LPP: variants seen among roughly 807,000 people sequenced by gnomAD.
The protein encoded by LPP is lipoma-preferred partner.
Under a neutral mutation model 60.4 loss-of-function variants are expected in LPP, and 38 were observed. The ratio of observed to expected loss-of-function variants is 0.63; its 90% CI spans 0.49 to 0.83. The LOEUF (loss-of-function observed/expected upper bound fraction) is 0.83. Ranked by LOEUF, LPP falls within the 40% of genes least tolerant of loss-of-function variation. The pLI, the probability that LPP is intolerant of heterozygous loss-of-function variation, is 0.00. For missense variants in LPP, 902 were observed against 783.6 expected, an observed-to-expected ratio of 1.15 and a Z score of -1.80; for synonymous variants, 328 against 290.8, an observed-to-expected ratio of 1.13 and a Z score of -1.30.
intron 6 of LPP, among the ~76,000 whole-genome samples, chr3:188,549,426 GGT>G (rs1001226061): frequency 1.3e-5 from 2 of 152,050 alleles, no homozygotes; most frequent in African/African-American, 4.8e-5. Context: ...TTTTTGGTCT[GGT>G]GCCATTGAGC....
intron 3 of LPP, among the ~76,000 whole-genome samples, chr3:188,379,676 A>T (rs1378183294): frequency 6.6e-6 from 1 of 152,206 alleles, no homozygotes; most frequent in Non-Finnish European, 1.5e-5. Context: ...ATTTATATAA[A>T]CATCATACAA....
chr3:188,226,156 A>G (rs754737457), intron 2 of LPP, among the ~76,000 whole-genome samples: 22 of 152,048 alleles, frequency 1.4e-4, no homozygotes, highest in Non-Finnish European at 2.6e-4. Flanking sequence ...CTACAGGCAC[A>G]TACCACCATG....
chr3:188,636,091 C>A (rs1344153678), intron 7 of LPP, among the ~76,000 whole-genome samples: 2 of 152,222 alleles, frequency 1.3e-5, no homozygotes, highest in East Asian at 3.9e-4. Context: ...GTCTACAGCT[C>A]CCAGCCTGAG....
chr3:188,219,532 G>A (rs563011467), intron 1 of LPP, among the ~76,000 whole-genome samples: 1 of 152,272 alleles, frequency 6.6e-6, no homozygotes, highest in South Asian at 2.1e-4. Flanking sequence ...CCTGGCTCAG[G>A]TGCTGAAAGG....
intron 9 of LPP, among the ~76,000 whole-genome samples, chr3:188,845,870 T>C (rs1389628658): frequency 6.6e-6 from 1 of 152,248 alleles, no homozygotes; most frequent in Non-Finnish European, 1.5e-5. Context: ...TTATTTAGTT[T>C]CTTAGTTCAG....
chr3:188,784,336 C>A, intron 9 of LPP, among the ~76,000 whole-genome samples: 1 of 113,914 alleles, frequency 8.8e-6, no homozygotes, highest in African/African-American at 3.4e-5. Flanking sequence ...TATATATATT[C>A]CATCATATAT....
chr3:188,401,913 T>C (rs1034698808), intron 3 of LPP, among the ~76,000 whole-genome samples: 1 of 152,178 alleles, frequency 6.6e-6, no homozygotes, highest in African/African-American at 2.4e-5. Flanking sequence ...ATGCTTATGA[T>C]CTAAATTGAT....
chr3:188,702,340 CTTT>C (rs111321221), intron 7 of LPP, among the ~76,000 whole-genome samples: 35 of 118,950 alleles, frequency 2.9e-4, no homozygotes, highest in African/African-American at 8.9e-4. Flanking sequence ...TCTTCTTCTT[CTTT>C]TTTTTTTTTT....
At chr3:188,697,359 A>T (rs1047419549) in intron 7 of LPP, among the ~76,000 whole-genome samples, 2 of 152,218 alleles carry the variant, frequency 1.3e-5, no homozygotes, top group East Asian at 1.9e-4. Context: ...TTACCTCGCC[A>T]TGGAAAGTGA....
Position 188,572,688 on chromosome 3 carries a change from TAAGC to T in LPP, c.430-36471_430-36468del, listed in dbSNP as rs1833787971. Reference sequence around the variant, plus strand: ...AGGATTAAATTGAATGATAGGGGTGTAAGCACTTTGTAAATCCAAGTAAGAATTA... The same window carrying T: ...AGGATTAAATTGAATGATAGGGGTGTACTTTGTAAATCCAAGTAAGAATTA... On this transcript the variant is annotated intron_variant, in intron 6 of 11. Transcript: ENST00000617246. The surrounding 1 kb of genome is among the most constrained non-coding windows in gnomAD (Gnocchi z 4.1). Among the ~76,000 whole-genome samples the T allele has an allele frequency of 6.6e-6, 1 of 152,144 alleles. No individual in the cohort carries two copies. The highest frequency in any genetic ancestry group is 1.5e-5 in the Non-Finnish European group (1 of 68,024).
chr3:188,448,732 A>T (rs1483386442), intron 4 of LPP, among the ~76,000 whole-genome samples: 2 of 152,198 alleles, frequency 1.3e-5, no homozygotes, highest in African/African-American at 4.8e-5. Context: ...GGCAAATGGT[A>T]GTCCTCTCCC....
chr3:188,498,905 T>A (rs1046233375), intron 5 of LPP, among the ~76,000 whole-genome samples: 2 of 152,168 alleles, frequency 1.3e-5, no homozygotes, highest in Non-Finnish European at 2.9e-5. Flanking sequence ...GATTACTGAT[T>A]TTGAGCATCT....
At chr3:188,838,745 C>T (rs1476210408) in intron 9 of LPP, among the ~76,000 whole-genome samples, 1 of 152,086 alleles carries the variant, frequency 6.6e-6, no homozygotes, top group Admixed American at 6.6e-5. Flanking sequence ...CCTCAGCAAA[C>T]TAACACAGGA....
At chr3:188,684,964 A>T (rs1860368367) in intron 7 of LPP, among the ~76,000 whole-genome samples, 1 of 152,244 alleles carries the variant, frequency 6.6e-6, no homozygotes, top group South Asian at 2.1e-4. Context: ...CAGAAGAGTT[A>T]GGTATTTATT....
chr3:188,550,859 T>G (rs4533641), intron 6 of LPP, among the ~76,000 whole-genome samples: 71,265 of 151,872 alleles, frequency 0.47, 17,441 homozygotes, highest in East Asian at 0.92. Context: ...TTTTAAACGA[T>G]ATGATATAAA....
chr3:188,743,444 G>T (rs1334242246), intron 8 of LPP, among the ~76,000 whole-genome samples: 1 of 151,968 alleles, frequency 6.6e-6, no homozygotes, highest in Non-Finnish European at 1.5e-5. Flanking sequence ...AAGAGCAAAA[G>T]TGTACAGACA....
intron 1 of LPP, among the ~76,000 whole-genome samples, chr3:188,171,124 G>A (rs752317966): frequency 4.6e-5 from 7 of 152,132 alleles, no homozygotes; most frequent in Non-Finnish European, 8.8e-5. Context: ...AAACGTTAGG[G>A]TTACGCTATG....
At chr3:188,338,538 A>C (rs1240883348) in intron 2 of LPP, among the ~76,000 whole-genome samples, 1 of 152,224 alleles carries the variant, frequency 6.6e-6, no homozygotes, top group African/African-American at 2.4e-5. Flanking sequence ...TGAAAAGAGA[A>C]ACACAGAATG....
intron 4 of LPP, among the ~76,000 whole-genome samples, chr3:188,482,844 G>A (rs765771834): frequency 6.6e-6 from 1 of 152,106 alleles, no homozygotes; most frequent in Non-Finnish European, 1.5e-5. Flanking sequence ...GTCTAAAGTA[G>A]TAACAACATG....
Sources: gnomAD v4.1 joint callset for allele counts (sites outside exome capture counted in the v4.1 genomes callset) on GRCh38, gnomAD v4.1.1 for gene constraint, Gnocchi (gnomAD v3.1) non-coding constraint, MANE v1.5 for transcripts, NCBI Gene and HGNC (gene_info 2026-07-23, HGNC 2026-07-21) for gene names.